Variants in SEMA6D observed in about 807,000 individuals in gnomAD.
The protein encoded by SEMA6D is semaphorin 6D, also known as semaphorin-6D.
SEMA6D carries 35 observed loss-of-function variants against 106.6 expected under a neutral mutation model. That is an observed-to-expected ratio of 0.33 (90% CI 0.25 to 0.44). The LOEUF (loss-of-function observed/expected upper bound fraction) is 0.44. SEMA6D is among the 20% of genes least tolerant of loss of function. The pLI, the probability that SEMA6D is intolerant of heterozygous loss-of-function variation, is 1.00. For synonymous variants in SEMA6D, 499 were observed against 487.7 expected (o/e 1.02, Z -0.31); for missense variants, 1,185 against 1,345.9 (o/e 0.88, Z 1.87).
rs190135577 is a variant in SEMA6D at position 47,454,988 on chromosome 15, A to G, written c.-158-15486A>G. On this transcript the variant is annotated intron_variant, in intron 2 of 19. Transcript: ENST00000558014. ...TATGATAGAAGGGTTAATAATACCT[A>G]CATCAAGGGAGTGGTAGGAATTTGA... is the stretch of plus-strand genomic sequence containing the variant. Among the ~76,000 whole-genome samples the G allele has an allele frequency of 2.0e-3, 308 of 152,042 alleles. 1 individual carries two copies. Among genetic ancestry groups the G allele is most frequent in the Middle Eastern group, 0.017 (5 of 294 alleles).
At chr15:47,751,892 C>T (rs2081458899) in intron 1 of SEMA6D, among the ~76,000 whole-genome samples, 1 of 152,028 alleles carries the variant, frequency 6.6e-6, no homozygotes, top group Non-Finnish European at 1.5e-5. Context: ...ATTAGGGGGA[C>T]TTAACTAGCC....
intron 1 of SEMA6D, among the ~76,000 whole-genome samples, chr15:47,278,899 G>A (rs1270469604): frequency 1.4e-5 from 2 of 146,426 alleles, no homozygotes. Context: ...GTTTTTCTCA[G>A]GTTTGTCAGA....
intron 1 of SEMA6D, among the ~76,000 whole-genome samples, chr15:47,266,137 C>T (rs1289285593): frequency 6.6e-6 from 1 of 152,074 alleles, no homozygotes; most frequent in African/African-American, 2.4e-5. Flanking sequence ...GTCACTTTTC[C>T]CCATTCTGAC....
chr15:47,469,829 T>C (rs2042777027), intron 2 of SEMA6D, among the ~76,000 whole-genome samples: 1 of 152,194 alleles, frequency 6.6e-6, no homozygotes, highest in Non-Finnish European at 1.5e-5. Flanking sequence ...AAAAGTGTTA[T>C]TATTTACTTA....
chr15:47,426,088 G>T (rs2041328460), intron 2 of SEMA6D, among the ~76,000 whole-genome samples: 1 of 151,988 alleles, frequency 6.6e-6, no homozygotes, highest in African/African-American at 2.4e-5. Context: ...AAAGCCTTTT[G>T]TGTGAATTTT....
intron 3 of SEMA6D, among the ~76,000 whole-genome samples, chr15:47,560,437 A>G (rs551675466): frequency 4.5e-4 from 69 of 152,230 alleles, no homozygotes; most frequent in Middle Eastern, 6.8e-3. Flanking sequence ...AAAAAAGAAA[A>G]TAATAAAGGG....
At chr15:47,706,390 G>T (rs2078912527) in intron 4 of SEMA6D, among the ~76,000 whole-genome samples, 1 of 152,080 alleles carries the variant, frequency 6.6e-6, no homozygotes, top group Admixed American at 6.5e-5. Flanking sequence ...TTTATGGAGG[G>T]TAATAAAGTG....
At chr15:47,218,025 C>G (rs1188417046) in intron 1 of SEMA6D, among the ~76,000 whole-genome samples, 1 of 152,028 alleles carries the variant, frequency 6.6e-6, no homozygotes, top group Non-Finnish European at 1.5e-5. Context: ...TTGATTGGGT[C>G]ACTGACTTAT....
At chr15:47,354,123 G>T (rs1313717653) in intron 1 of SEMA6D, among the ~76,000 whole-genome samples, 1 of 150,462 alleles carries the variant, frequency 6.6e-6, no homozygotes, top group Admixed American at 6.7e-5. Flanking sequence ...TGGAATGAGA[G>T]AGTGTGTATA....
rs550195272 is a variant in SEMA6D, at chr15:47,740,247, G to T, written c.-54-19498G>T. On this transcript the variant is annotated intron_variant, in intron 1 of 18. Transcript: ENST00000536845. Reference sequence around the variant, plus strand: ...TAGAAAGTAAAAAACATGGCCGGGCGTGGTGACTCATGCCTGTAATCCCAG... The same window carrying T: ...TAGAAAGTAAAAAACATGGCCGGGCTTGGTGACTCATGCCTGTAATCCCAG... 2.6e-5 allele frequency among the ~76,000 whole-genome samples: 4 copies of T among 152,294 alleles called. No homozygotes were observed. The East Asian group carries it at 7.7e-4, about 29-fold the overall frequency.
chr15:47,715,558 A>G (rs115698527), upstream of SEMA6D, among the ~76,000 whole-genome samples: 1,568 of 152,306 alleles, frequency 0.01, 26 homozygotes, highest in African/African-American at 0.036. Context: ...AGCAAGCCAA[A>G]TATAGGGATC....
chr15:47,425,833 G>T (rs1214005207), intron 2 of SEMA6D, among the ~76,000 whole-genome samples: 1 of 151,906 alleles, frequency 6.6e-6, no homozygotes, highest in African/African-American at 2.4e-5. Flanking sequence ...AGAATCTGGG[G>T]ACACTTTTAG....
chr15:47,202,810 C>A (rs1196821071), intron 1 of SEMA6D, among the ~76,000 whole-genome samples: 1 of 152,086 alleles, frequency 6.6e-6, no homozygotes, highest in Non-Finnish European at 1.5e-5. Flanking sequence ...TTGCTTCAGA[C>A]CCTTACAGAT....
intron 1 of SEMA6D, among the ~76,000 whole-genome samples, chr15:47,409,409 T>G (rs2040707263): frequency 1.3e-5 from 2 of 152,286 alleles, no homozygotes; most frequent in Non-Finnish European, 2.9e-5. Context: ...AGTGAGTTGG[T>G]GGATGAGTTG....
chr15:47,368,332 A>G (rs1013805561), intron 1 of SEMA6D, among the ~76,000 whole-genome samples: 3 of 152,028 alleles, frequency 2.0e-5, no homozygotes, highest in Admixed American at 2.0e-4. Context: ...ATTCTCCAAC[A>G]CCATCATTAG....
chr15:47,548,038 G>C (rs778373734), intron 3 of SEMA6D, among the ~76,000 whole-genome samples: 17 of 152,146 alleles, frequency 1.1e-4, no homozygotes, highest in Non-Finnish European at 2.4e-4. Context: ...TGGTATCCCT[G>C]TGTCTTTTCA....
At chr15:47,739,823 C>T (rs961524965) in intron 1 of SEMA6D, among the ~76,000 whole-genome samples, 3 of 152,132 alleles carry the variant, frequency 2.0e-5, no homozygotes, top group Non-Finnish European at 4.4e-5. Context: ...GGGCAGGGGA[C>T]ACAGCAGTGA....
intron 1 of SEMA6D, among the ~76,000 whole-genome samples, chr15:47,379,716 G>A (rs998714080): frequency 2.0e-4 from 31 of 152,170 alleles, no homozygotes; most frequent in African/African-American, 7.5e-4. Context: ...GAAATGTAAA[G>A]TGCTGAGCAG....
At chr15:47,349,693 T>TA (rs2038233165) in intron 1 of SEMA6D, among the ~76,000 whole-genome samples, 1 of 151,874 alleles carries the variant, frequency 6.6e-6, no homozygotes, top group African/African-American at 2.4e-5. Flanking sequence ...GAGATCATTA[T>TA]AAAAAAATAT....
Sources: gnomAD v4.1 joint callset for allele counts (sites outside exome capture counted in the v4.1 genomes callset) on GRCh38, gnomAD v4.1.1 for gene constraint, MANE v1.5 for transcripts, NCBI Gene and HGNC (gene_info 2026-07-23, HGNC 2026-07-21) for gene names.